The following ABCC9 variants were observed in gnomAD, a reference collection of about 807,000 sequenced individuals.
The protein encoded by ABCC9 is ATP-binding cassette sub-family C member 9.
A neutral mutation model predicts 188.3 loss-of-function variants in ABCC9; 95 were observed. The observed-to-expected ratio is 0.50, with a 90% CI of 0.43 to 0.60. The LOEUF (loss-of-function observed/expected upper bound fraction) is 0.60, where lower values mean the gene tolerates loss of function less well. Among genes scored for constraint, ABCC9 ranks in the 20% least tolerant of loss-of-function variants. The probability of loss-of-function intolerance (pLI) is 0.00; values close to 1 mark genes in which losing one functional copy is unlikely to be tolerated. For missense variants in ABCC9, 1,102 were observed against 1,876.3 expected (o/e 0.59, Z 7.62); for synonymous variants, 659 against 652.7 (o/e 1.01, Z -0.15).
At chr12:21,897,831 C>G (rs2137767647) in intron 12 of ABCC9, among the ~76,000 whole-genome samples, 1 of 138,002 alleles carries the variant, frequency 7.2e-6, no homozygotes, top group African/African-American at 2.8e-5. Flanking sequence ...CTAGGATGAC[C>G]TCCTCTACCC....
chr12:21,940,926 T>A (rs1280993251), intron 1 of ABCC9, 101 bp from the exon 2 acceptor site: 1 of 152,188 alleles, frequency 6.6e-6, no homozygotes, highest in Non-Finnish European at 1.5e-5. Context: ...TAACTCCTAA[T>A]AATAATAACT....
chr12:21,910,204 T>C lies in ABCC9; in HGVS notation c.1273A>G (p.Met425Val). Residue 425 changes from methionine to valine, a missense_variant, in exon 10 of 40, where the codon ATG becomes GTG. Around this residue, in one of 12 missense-constraint regions of ABCC9, gnomAD observed 305 missense variants for 573.0 expected, o/e 0.53. Transcript: ENST00000261200. The stretch of plus-strand genomic sequence containing the variant: ...TTGGGACACAGGAACAAAAACCACA[T>C]GAGTTGATTAGTTTCAATGGCGACT... Reference protein sequence around the residue: ...NLVAIETNQLMWFLFLCPNLW... With the variant: ...NLVAIETNQLVWFLFLCPNLW... The C allele has an allele frequency of 6.2e-7, 1 of 1,610,420 alleles. No individual in the cohort carries two copies. The highest frequency in any genetic ancestry group is 8.5e-7 in the Non-Finnish European group (1 of 1,177,352).
At chr12:21,818,561 T>TGA (rs1555179841) in intron 31 of ABCC9, among the ~76,000 whole-genome samples, 118 of 142,744 alleles carry the variant, frequency 8.3e-4, no homozygotes, top group African/African-American at 2.6e-3. Context: ...TGTGTGTGTG[T>TGA]GATATGGGTT....
At chr12:21,887,084 C>T (rs1946912468) in intron 15 of ABCC9, among the ~76,000 whole-genome samples, 1 of 151,912 alleles carries the variant, frequency 6.6e-6, no homozygotes, top group African/African-American at 2.4e-5. Context: ...TATCACATGT[C>T]TTGTTCATTG....
chr12:21,923,014 C>T (rs1255017530), intron 5 of ABCC9: 1 of 148,740 alleles, frequency 6.7e-6, no homozygotes, highest in African/African-American at 2.5e-5. Context: ...ACATAAGTGC[C>T]AATGCAATCT....
chr12:21,819,522 G>T (rs1942903696), intron 31 of ABCC9, among the ~76,000 whole-genome samples: 1 of 152,138 alleles, frequency 6.6e-6, no homozygotes, highest in Non-Finnish European at 1.5e-5. Context: ...TTCAGACACT[G>T]ACCTTGCCCG....
intron 28 of ABCC9, among the ~76,000 whole-genome samples, chr12:21,843,839 T>A (rs1451030225): frequency 6.6e-6 from 1 of 152,196 alleles, no homozygotes. Flanking sequence ...TCTTTCTAAT[T>A]GAGGGCCATT....
At chr12:21,908,705 A>G (rs1392819891) in intron 10 of ABCC9, among the ~76,000 whole-genome samples, 1 of 151,954 alleles carries the variant, frequency 6.6e-6, no homozygotes, top group Non-Finnish European at 1.5e-5. Flanking sequence ...GGACTAAAGG[A>G]ATGAGCTGAG....
At chr12:21,913,131 A>T (rs1278135020) in intron 7 of ABCC9, 65 bp from the exon 8 acceptor site, 6 of 1,379,962 alleles carry the variant, frequency 4.3e-6, no homozygotes, top group Non-Finnish European at 5.0e-6. Flanking sequence ...AGCAGTAACT[A>T]ATCTCATGTA....
rs79658251 is a variant in ABCC9 at position 21,822,356 on chromosome 12, A to G, written c.3670-4105T>C. Among the ~76,000 whole-genome samples, 11 of 151,566 alleles carry G rather than the reference A, an allele frequency of 7.3e-5. No homozygotes were observed. The East Asian group carries it at 2.1e-3, about 29-fold the overall frequency. On this transcript the variant is annotated intron_variant, in intron 31 of 39. Coordinates refer to ENST00000261200, the MANE Select transcript of ABCC9 (RefSeq NM_020297.4). ...AAGTACTGGAAATATTTTAGAGACT[A>G]CTGATCAGAATTTTATCTTGATTTG...
rs538424676 is a variant in ABCC9, at chr12:21,800,275, T to A, written c.*769A>T. ...CAGCTAATCATTAAACTATAGAAAG[T>A]TTAGCTGGCCTGCCACTGAAAGATT... is the stretch of plus-strand genomic sequence containing the variant. On this transcript the variant is annotated 3_prime_UTR_variant, in exon 40 of 40. Coordinates refer to ENST00000261200, the MANE Select transcript of ABCC9 (RefSeq NM_020297.4). The A allele has an allele frequency of 6.6e-6, 1 of 152,218 alleles. No individual in the cohort carries two copies. The highest frequency in any genetic ancestry group is 1.5e-5 in the Non-Finnish European group (1 of 68,006). 9.4% of individuals were successfully genotyped at this position (152,218 alleles called of 1,614,324 possible).
intron 28 of ABCC9, among the ~76,000 whole-genome samples, chr12:21,844,228 A>T (rs770680107): frequency 3.9e-5 from 6 of 152,160 alleles, no homozygotes; most frequent in African/African-American, 7.2e-5. Context: ...AAAATTTTAA[A>T]TGTTCAATCA....
chr12:21,818,714 G>A (rs190726292), intron 31 of ABCC9, among the ~76,000 whole-genome samples: 404 of 147,908 alleles, frequency 2.7e-3, no homozygotes, highest in African/African-American at 3.2e-3. Context: ...TTTTGGACCC[G>A]GTTTTCTAGC....
chr12:21,914,900 CTTT>C (rs377103461), intron 7 of ABCC9, among the ~76,000 whole-genome samples: 28 of 134,968 alleles, frequency 2.1e-4, no homozygotes, highest in Non-Finnish European at 3.0e-4. Flanking sequence ...GCTTTGTGTC[CTTT>C]TTTTTTTTTT....
chr12:21,917,132 A>T, intron 5 of ABCC9, 29 bp from the exon 6 acceptor site: 1 of 1,609,718 alleles, frequency 6.2e-7, no homozygotes, highest in African/African-American at 1.3e-5. Context: ...AAAGAGAAAG[A>T]TGCAATCTTT....
intron 16 of ABCC9, among the ~76,000 whole-genome samples, chr12:21,878,344 C>A (rs1029918899): frequency 6.6e-6 from 1 of 152,086 alleles, no homozygotes; most frequent in Non-Finnish European, 1.5e-5. Flanking sequence ...TCTTTCAATT[C>A]GTGATATGAT....
chr12:21,839,873 G>A (rs1944291252), intron 29 of ABCC9, among the ~76,000 whole-genome samples: 1 of 152,204 alleles, frequency 6.6e-6, no homozygotes, highest in African/African-American at 2.4e-5. Flanking sequence ...ATTTTCACAT[G>A]GGGATTCGGG....
At chr12:21,804,999 G>A (rs985061458) in intron 39 of ABCC9, 4 of 267,656 alleles carry the variant, frequency 1.5e-5, no homozygotes, top group African/African-American at 2.3e-5. Context: ...AGCTCCATTC[G>A]GTAGTGAGCA....
At chr12:21,918,198 TATC>T (rs1948675819) in intron 5 of ABCC9, among the ~76,000 whole-genome samples, 1 of 152,082 alleles carries the variant, frequency 6.6e-6, no homozygotes, top group Admixed American at 6.6e-5. Context: ...AGACAATTAT[TATC>T]AGAAATAAAA....
Sources: allele counts gnomAD v4.1 joint callset (sites outside exome capture counted in the v4.1 genomes callset), GRCh38; gene constraint gnomAD v4.1.1; regional missense constraint gnomAD v4.1.1; transcripts MANE v1.5; gene names NCBI Gene and HGNC (gene_info 2026-07-23, HGNC 2026-07-21).